Variants in HERC3 observed in about 807,000 individuals in gnomAD.
HERC3 encodes probable E3 ubiquitin-protein ligase HERC3.
A neutral mutation model predicts 129.9 loss-of-function variants in HERC3; 58 were observed. The observed-to-expected ratio is 0.45, with a 90% CI of 0.36 to 0.56. HERC3 has a LOEUF of 0.56. HERC3 is among the 20% of genes least tolerant of loss of function. The pLI is 0.00. For synonymous variants in HERC3, 430 were observed against 451.0 expected (o/e 0.95, Z 0.59); for missense variants, 835 against 1,244.2 (o/e 0.67, Z 4.95).
At chr4:88,690,774 T>C (rs961061271) in intron 23 of HERC3, 1 of 195,850 alleles carries the variant, frequency 5.1e-6, no homozygotes, top group Non-Finnish European at 9.3e-6. Flanking sequence ...TTTTTCTCCC[T>C]TTCTGTTTCT....
rs772349429 is a variant in HERC3 at position 88,652,903 on chromosome 4, T to C, written c.498T>C (p.His166=). The C allele has an allele frequency of 2.2e-5, 36 of 1,613,390 alleles. No individual in the cohort carries two copies. In the South Asian group the frequency reaches 3.2e-4, roughly 14 times the overall value. The change falls in exon 6 of 26, where the codon CAT becomes CAC. Residue 166 remains histidine (H), a synonymous_variant. Transcript: ENST00000402738. ...TCTTCACCTGGGGAAAGAACAGCCA[T>C]GGGCAGCTTGGCTTAGGGAAGGAGT... is the stretch of plus-strand genomic sequence containing the variant. The part of the protein sequence containing the change: ...GQFFTWGKNS[H]GQLGLGKEFP...
intron 3 of HERC3, among the ~76,000 whole-genome samples, chr4:88,647,312 C>T (rs1364538668): frequency 6.6e-6 from 1 of 152,130 alleles, no homozygotes; most frequent in Non-Finnish European, 1.5e-5. Flanking sequence ...TGTGTTAGGC[C>T]ATATACTAAC....
the HERC3 span, among the ~76,000 whole-genome samples, chr4:88,547,598 A>G: frequency 6.6e-6 from 1 of 152,216 alleles, no homozygotes; most frequent in Non-Finnish European, 1.5e-5. Context: ...TTTCCTATAC[A>G]TGAAATCAGA....
In HERC3 at chr4:88,650,980, T is replaced by C. The variant is rs570277925; in HGVS notation, c.386+981T>C. Among the ~76,000 whole-genome samples the C allele has an allele frequency of 2.3e-4, 35 of 152,322 alleles. No individual in the cohort carries two copies. In the South Asian group the frequency reaches 7.0e-3, roughly 31 times the overall value. On this transcript the variant is annotated intron_variant, in intron 4 of 25. Transcript: ENST00000402738. ...AAAGTTGTGTTAAATAAGAGGACCA[T>C]GGAGGTAAGAGTGATTTGATTCAGT...
chr4:88,659,969 A>G (rs561766553), intron 10 of HERC3, among the ~76,000 whole-genome samples: 48 of 152,342 alleles, frequency 3.2e-4, no homozygotes, highest in Middle Eastern at 6.8e-3. Context: ...TAAAGTTTAA[A>G]CAACTGGAAA....
At chr4:88,538,828 C>G in the HERC3 span, among the ~76,000 whole-genome samples, 1 of 152,120 alleles carries the variant, frequency 6.6e-6, no homozygotes, top group African/African-American at 2.4e-5. Context: ...CAGGCGTGAG[C>G]CACCATGCCC....
chr4:88,609,470 G>A (rs1161032420), intron 3 of HERC3, among the ~76,000 whole-genome samples: 1 of 152,214 alleles, frequency 6.6e-6, no homozygotes, highest in African/African-American at 2.4e-5. Flanking sequence ...GGCTGATACT[G>A]TCTCTGGAGT....
the HERC3 span, among the ~76,000 whole-genome samples, chr4:88,544,458 T>A: frequency 6.6e-6 from 1 of 152,224 alleles, no homozygotes; most frequent in Admixed American, 6.5e-5. Flanking sequence ...GGAACACTTT[T>A]ACACTGTTGG....
At chr4:88,558,088 AAAAAAAAG>A in the HERC3 span, among the ~76,000 whole-genome samples, 2 of 145,506 alleles carry the variant, frequency 1.4e-5, no homozygotes, top group African/African-American at 2.8e-5. Flanking sequence ...AAAAAAAAAA[AAAAAAAAG>A]AAAAAAAGAA....
At chr4:88,681,072 T>C in intron 20 of HERC3, 87 bp from the exon 21 acceptor site, 2 of 1,477,624 alleles carry the variant, frequency 1.4e-6, no homozygotes, top group Non-Finnish European at 1.8e-6. Context: ...TCTTTTATTT[T>C]GAAAATATTT....
intron 23 of HERC3, among the ~76,000 whole-genome samples, chr4:88,691,269 C>T (rs914961896): frequency 4.2e-4 from 64 of 152,164 alleles, no homozygotes; most frequent in African/African-American, 1.5e-3. Context: ...TGAACTCATC[C>T]ATGCTACTTT....
chr4:88,587,159 T>C, the HERC3 span, among the ~76,000 whole-genome samples: 1 of 152,204 alleles, frequency 6.6e-6, no homozygotes, highest in East Asian at 1.9e-4. Context: ...TTTACCTTTA[T>C]AAAAAGGTGG....
chr4:88,679,945 GA>G (rs1732589293), intron 19 of HERC3, 147 bp from the exon 20 acceptor site: 1 of 599,214 alleles, frequency 1.7e-6, no homozygotes, highest in African/African-American at 1.9e-5. Flanking sequence ...ATAATCAACA[GA>G]CACACCTTGC....
intron 3 of HERC3, among the ~76,000 whole-genome samples, chr4:88,606,513 C>T (rs986506099): frequency 6.6e-6 from 1 of 151,988 alleles, no homozygotes; most frequent in Admixed American, 6.6e-5. Flanking sequence ...AGATTTTGCC[C>T]GTTGTATTAG....
At chr4:88,590,096 C>T (rs1721623785), upstream of HERC3, among the ~76,000 whole-genome samples, 1 of 150,846 alleles carries the variant, frequency 6.6e-6, no homozygotes, top group South Asian at 2.1e-4. Flanking sequence ...GGTGAAATCC[C>T]GCCTCTACTA....
intron 23 of HERC3, among the ~76,000 whole-genome samples, chr4:88,700,899 C>T (rs2149346911): frequency 6.6e-6 from 1 of 152,266 alleles, no homozygotes; most frequent in South Asian, 2.1e-4. Context: ...CTCTTAAGGC[C>T]TTCAGCTGAT....
chr4:88,698,180 T>C (rs1217966703), intron 23 of HERC3, among the ~76,000 whole-genome samples: 1 of 152,200 alleles, frequency 6.6e-6, no homozygotes, highest in Admixed American at 6.5e-5. Context: ...CCAGTGCATA[T>C]GTCTTCGCTT....
the HERC3 span, among the ~76,000 whole-genome samples, chr4:88,569,689 T>C: frequency 6.6e-6 from 1 of 152,252 alleles, no homozygotes; most frequent in Non-Finnish European, 1.5e-5. Flanking sequence ...AGTCACTATG[T>C]GTGCCCTGAA....
At chr4:88,562,678 G>A in the HERC3 span, among the ~76,000 whole-genome samples, 7 of 152,080 alleles carry the variant, frequency 4.6e-5, no homozygotes, top group Admixed American at 1.3e-4. Flanking sequence ...TGATTTTTCC[G>A]TATGGCAAGA....
Sources: allele counts gnomAD v4.1 joint callset (sites outside exome capture counted in the v4.1 genomes callset), GRCh38; gene constraint gnomAD v4.1.1; transcripts MANE v1.5; gene names NCBI Gene and HGNC (gene_info 2026-07-23, HGNC 2026-07-21).